Variants in PLCB1 observed in about 807,000 individuals in gnomAD.
The protein encoded by PLCB1 is phospholipase C beta 1, also known as 1-phosphatidylinositol 4,5-bisphosphate phosphodiesterase beta-1.
PLCB1 carries 46 observed loss-of-function variants against 161.8 expected under a neutral mutation model. The ratio of observed to expected loss-of-function variants is 0.28; its 90% confidence interval spans 0.22 to 0.36. The LOEUF (loss-of-function observed/expected upper bound fraction) is 0.36. PLCB1 is among the 10% of genes least tolerant of loss of function. The probability of loss-of-function intolerance (pLI) is 1.00; values close to 1 mark genes in which losing one functional copy is unlikely to be tolerated. For synonymous variants in PLCB1, 517 were observed against 503.7 expected (o/e 1.03, Z -0.35); for missense variants, 1,016 against 1,472.5 (o/e 0.69, Z 5.07).
intron 15 of PLCB1, among the ~76,000 whole-genome samples, chr20:8,723,550 T>C (rs1979764624): frequency 6.6e-6 from 1 of 152,194 alleles, no homozygotes; most frequent in African/African-American, 2.4e-5. Flanking sequence ...TAATATGTCA[T>C]AGCTAATAAT....
chr20:8,821,845 G>A (rs1985444376), intron 31 of PLCB1, among the ~76,000 whole-genome samples: 1 of 151,856 alleles, frequency 6.6e-6, no homozygotes, highest in African/African-American at 2.4e-5. Context: ...CCCTCGCAGT[G>A]TGCACTATAC....
chr20:8,661,833 A>G (rs1169835532), intron 9 of PLCB1, among the ~76,000 whole-genome samples: 1 of 149,038 alleles, frequency 6.7e-6, no homozygotes, highest in Non-Finnish European at 1.5e-5. Context: ...TAAGTAATTC[A>G]TAACTTCAGT....
intron 2 of PLCB1, chr20:8,306,352 A>T (rs977132608): frequency 6.6e-6 from 1 of 152,220 alleles, no homozygotes; most frequent in Non-Finnish European, 1.5e-5. Context: ...AGACATTTAG[A>T]AGTGCCCCAG....
intron 2 of PLCB1, among the ~76,000 whole-genome samples, chr20:8,159,699 T>G (rs1461976840): frequency 6.6e-6 from 1 of 152,034 alleles, no homozygotes; most frequent in African/African-American, 2.4e-5. Flanking sequence ...AGAAATTTCT[T>G]CCACCAGGCC....
chr20:8,275,014 C>T (rs1346978558), intron 2 of PLCB1, among the ~76,000 whole-genome samples: 1 of 152,108 alleles, frequency 6.6e-6, no homozygotes, highest in East Asian at 1.9e-4. Context: ...AACATTCTCT[C>T]TTGTCTTTTA....
intron 2 of PLCB1, among the ~76,000 whole-genome samples, chr20:8,206,797 T>C (rs1397154068): frequency 6.6e-6 from 1 of 151,632 alleles, no homozygotes. Context: ...AAAAAAAGAT[T>C]GTCATTATAG....
chr20:8,223,953 G>T (rs1417951247), intron 2 of PLCB1, among the ~76,000 whole-genome samples: 1 of 152,176 alleles, frequency 6.6e-6, no homozygotes, highest in Non-Finnish European at 1.5e-5. Context: ...AGTGAGATTT[G>T]GCATGTGTGA....
At chr20:8,813,070 C>G (rs552598997) in intron 31 of PLCB1, among the ~76,000 whole-genome samples, 26 of 152,214 alleles carry the variant, frequency 1.7e-4, no homozygotes, top group Non-Finnish European at 3.2e-4. Flanking sequence ...AACCTGATTT[C>G]AGGTTTCCTG....
At chr20:8,875,401 C>T (rs1330351367) in intron 31 of PLCB1, among the ~76,000 whole-genome samples, 1 of 147,098 alleles carries the variant, frequency 6.8e-6, no homozygotes, top group Non-Finnish European at 1.5e-5. Flanking sequence ...GGTATATATA[C>T]TATACGTAGT....
At chr20:8,624,385 C>A (rs547003734) in intron 3 of PLCB1, among the ~76,000 whole-genome samples, 1 of 151,914 alleles carries the variant, frequency 6.6e-6, no homozygotes, top group African/African-American at 2.4e-5. Context: ...ATCTTCTGCA[C>A]GAAAAATGTT....
Position 8,381,687 on chromosome 20 carries a change from C to T in PLCB1, c.246+10237C>T, listed in dbSNP as rs558468325. Among the ~76,000 whole-genome samples the T allele has an allele frequency of 1.6e-4, 25 of 152,134 alleles. No homozygotes were observed. In the South Asian group the frequency reaches 5.0e-3, roughly 30 times the overall value. On this transcript the variant is annotated intron_variant, in intron 3 of 31. Transcript: ENST00000338037. ...TTAGTCTTGGGAGGTTGTATGTGTCCAGGAATTTATTCATTTCTTCTAGAT... is the reference window on the plus strand; with the variant it reads ...TTAGTCTTGGGAGGTTGTATGTGTCTAGGAATTTATTCATTTCTTCTAGAT...
At chr20:8,492,848 ATG>A (rs10536329) in intron 3 of PLCB1, among the ~76,000 whole-genome samples, 89,031 of 144,816 alleles carry the variant, frequency 0.61, 27,125 homozygotes, top group Non-Finnish European at 0.67. Context: ...ATATATATAT[ATG>A]TGTGTGTGTG....
intron 3 of PLCB1, among the ~76,000 whole-genome samples, chr20:8,571,717 A>C (rs1024869769): frequency 4.6e-5 from 7 of 152,294 alleles, no homozygotes; most frequent in African/African-American, 7.2e-5. Context: ...TAACTCAATT[A>C]TTTTATGTGA....
At position 8,446,651 on chromosome 20, in the gene PLCB1, G is replaced by A. The variant is rs1393502307; in HGVS notation, c.246+75201G>A. Reference sequence around the variant, plus strand: ...TTTGCAGATGACAATTGTATATTTCGAAAACCCAATCGTCTCAGACCAATA... The same window carrying A: ...TTTGCAGATGACAATTGTATATTTCAAAAACCCAATCGTCTCAGACCAATA... On this transcript the variant is annotated intron_variant, in intron 3 of 31. Transcript: ENST00000338037. Among the ~76,000 whole-genome samples, 8 of 152,236 alleles carry A rather than the reference G, an allele frequency of 5.3e-5. No homozygotes were observed. In the East Asian group the frequency reaches 1.5e-3, roughly 29 times the overall value.
chr20:8,579,872 GA>G (rs11087810), intron 3 of PLCB1, among the ~76,000 whole-genome samples: 92,783 of 151,528 alleles, frequency 0.61, 30,425 homozygotes, highest in African/African-American at 0.86. Context: ...GGAGCAAGGG[GA>G]AAAATGTGAG....
At chr20:8,261,346 A>G (rs1210451263) in intron 2 of PLCB1, among the ~76,000 whole-genome samples, 3 of 152,150 alleles carry the variant, frequency 2.0e-5, no homozygotes, top group African/African-American at 7.2e-5. Flanking sequence ...ACAATCAGGT[A>G]AGAACCCCTC....
intron 2 of PLCB1, among the ~76,000 whole-genome samples, chr20:8,181,739 C>T (rs2051845865): frequency 6.6e-6 from 1 of 152,076 alleles, no homozygotes; most frequent in African/African-American, 2.4e-5. Flanking sequence ...CTTTGGGAGG[C>T]TAAGGCAGGA....
In PLCB1 at chr20:8,436,166, C is replaced by A. The variant is rs115992912; in HGVS notation, c.246+64716C>A. 1.6e-3 allele frequency among the ~76,000 whole-genome samples: 246 copies of A among 152,068 alleles called. 2 individuals carry two copies. The highest frequency in any genetic ancestry group is 5.7e-3 in the African/African-American group (235 of 41,478). ...CCAGCCTGGCCATGACGAAACCTGT[C>A]TCTACTAAAAACACAAAAAAGTTAG... On this transcript the variant is annotated intron_variant, in intron 3 of 31. Coordinates refer to ENST00000338037, the MANE Select transcript of PLCB1 (RefSeq NM_015192.4).
intron 2 of PLCB1, among the ~76,000 whole-genome samples, chr20:8,302,974 A>T (rs1442271633): frequency 6.6e-6 from 1 of 152,242 alleles, no homozygotes; most frequent in Non-Finnish European, 1.5e-5. Flanking sequence ...GCAACCGATT[A>T]TACTGGGTGT....
Sources: gnomAD v4.1 joint callset for allele counts (sites outside exome capture counted in the v4.1 genomes callset) on GRCh38, gnomAD v4.1.1 for gene constraint, MANE v1.5 for transcripts, NCBI Gene and HGNC (gene_info 2026-07-23, HGNC 2026-07-21) for gene names.